Variants in FMN2 observed in about 807,000 individuals in gnomAD.
FMN2 encodes the protein formin-2.
In FMN2, 51 loss-of-function variants were observed where a neutral mutation model predicts 142.3. That is an observed-to-expected ratio of 0.36 (90% CI 0.29 to 0.45). FMN2 has a LOEUF of 0.45. FMN2 is among the 20% of genes least tolerant of loss of function. FMN2 has a pLI of 1.00. For missense variants in FMN2, 1,936 were observed against 2,122.8 expected, an observed-to-expected ratio of 0.91 and a Z score of 1.73; for synonymous variants, 882 against 869.8, an observed-to-expected ratio of 1.01 and a Z score of -0.25.
chr1:240,224,709 CA>C (rs1252812476), intron 6 of FMN2, among the ~76,000 whole-genome samples: 1 of 152,118 alleles, frequency 6.6e-6, no homozygotes, highest in Non-Finnish European at 1.5e-5. Context: ...CACAGAAAGC[CA>C]ATCACTGAGA....
At chr1:240,315,989 A>G (rs1036536505) in intron 8 of FMN2, among the ~76,000 whole-genome samples, 1 of 152,202 alleles carries the variant, frequency 6.6e-6, no homozygotes, top group Non-Finnish European at 1.5e-5. Flanking sequence ...TAGGGTTTTT[A>G]CATACTCAAA....
At chr1:240,245,775 G>C (rs1668060120) in intron 6 of FMN2, among the ~76,000 whole-genome samples, 1 of 152,162 alleles carries the variant, frequency 6.6e-6, no homozygotes, top group South Asian at 2.1e-4. Context: ...CCATCAGGTT[G>C]TCCAGAGATT....
At chr1:240,356,485 A>G (rs1450670997) in intron 14 of FMN2, among the ~76,000 whole-genome samples, 1 of 152,196 alleles carries the variant, frequency 6.6e-6, no homozygotes, top group Non-Finnish European at 1.5e-5. Flanking sequence ...TCTAGGAGAT[A>G]GGCAGGGATG....
At chr1:240,229,649 A>C (rs1429654568) in intron 6 of FMN2, among the ~76,000 whole-genome samples, 1 of 151,934 alleles carries the variant, frequency 6.6e-6, no homozygotes, top group Non-Finnish European at 1.5e-5. Flanking sequence ...TCCATAGCTG[A>C]CTTTTTTTTT....
chr1:240,170,187 C>T, intron 2 of FMN2: 1 of 1,178,462 alleles, frequency 8.5e-7, no homozygotes, highest in Non-Finnish European at 1.2e-6. Flanking sequence ...ACCAGGTTAT[C>T]AAGTGCAAGG....
chr1:240,431,325 T>C (rs1675163597), intron 15 of FMN2, among the ~76,000 whole-genome samples: 1 of 151,132 alleles, frequency 6.6e-6, no homozygotes, highest in South Asian at 2.1e-4. Context: ...TAGTTCTGAG[T>C]AAATTCACTT....
Position 240,207,522 on chromosome 1 carries a change from G to A in FMN2, c.2710G>A (p.Gly904Ser). The change falls in exon 5 of 18, where the codon GGT becomes AGT. Residue 904 changes from glycine (G) to serine (S), a missense_variant. Physicochemically the swap from Gly to Ser is moderately conservative, Grantham distance 56. Around this residue, in one of 8 missense-constraint regions of FMN2, gnomAD observed 478 missense variants for 462.8 expected, o/e 1.03. Coordinates refer to ENST00000319653, the MANE Select transcript of FMN2 (RefSeq NM_020066.5). ...CATTCCCCAACCTCCTCCTCTGCAGGGTACAGAAATGCTGCCACCCCCTCC... is the reference window on the plus strand; with the variant it reads ...CATTCCCCAACCTCCTCCTCTGCAGAGTACAGAAATGCTGCCACCCCCTCC... ...TAIPQPPPLQ[G>S]TEMLPPPPPP... is the part of the protein sequence containing the mutation. 2 of 1,612,918 alleles carry A rather than the reference G, an allele frequency of 1.2e-6. No individual in the cohort carries two copies. Among genetic ancestry groups the A allele is most frequent in the Non-Finnish European group, 1.7e-6 (2 of 1,179,730 alleles).
chr1:240,353,530 A>G (rs117919945), intron 13 of FMN2, among the ~76,000 whole-genome samples: 1 of 152,326 alleles, frequency 6.6e-6, no homozygotes, highest in East Asian at 1.9e-4. Context: ...AATGGAAATA[A>G]GATGGATTTC....
intron 1 of FMN2, among the ~76,000 whole-genome samples, chr1:240,114,168 G>T (rs1384296475): frequency 3.7e-4 from 56 of 152,068 alleles, no homozygotes; most frequent in Admixed American, 3.5e-3. Context: ...TTTAAAACAA[G>T]CTCCAGACAT....
chr1:240,126,626 T>C (rs1662520081), intron 2 of FMN2, among the ~76,000 whole-genome samples: 1 of 152,208 alleles, frequency 6.6e-6, no homozygotes, highest in South Asian at 2.1e-4. Flanking sequence ...CATTTTCTCT[T>C]ACATTTTAAT....
chr1:240,122,250 G>GTTATTTATTTAT (rs59141517), intron 1 of FMN2, among the ~76,000 whole-genome samples: 42 of 149,322 alleles, frequency 2.8e-4, no homozygotes, highest in Middle Eastern at 3.4e-3. Context: ...ACCACGGCTG[G>GTTATTTATTTAT]TTATTTATTT....
intron 7 of FMN2, among the ~76,000 whole-genome samples, chr1:240,258,355 A>G (rs922979489): frequency 6.6e-6 from 1 of 152,200 alleles, no homozygotes; most frequent in Non-Finnish European, 1.5e-5. Context: ...TAGGAGGCTG[A>G]AAGTTCGAGA....
At chr1:240,181,334 A>T (rs1294901618) in intron 3 of FMN2, among the ~76,000 whole-genome samples, 1 of 152,170 alleles carries the variant, frequency 6.6e-6, no homozygotes, top group Non-Finnish European at 1.5e-5. Context: ...TGGTTACCCA[A>T]TTCACATGTC....
chr1:240,147,463 C>T (rs1368138500), intron 2 of FMN2, among the ~76,000 whole-genome samples: 1 of 152,164 alleles, frequency 6.6e-6, no homozygotes, highest in Admixed American at 6.5e-5. Flanking sequence ...CCACTCTGCT[C>T]TCTTTAGTTC....
intron 15 of FMN2, among the ~76,000 whole-genome samples, chr1:240,430,813 G>A (rs887253585): frequency 6.6e-5 from 10 of 151,254 alleles, no homozygotes; most frequent in African/African-American, 2.4e-4. Flanking sequence ...CTCCTTCCAG[G>A]TCCTTATACC....
At chr1:240,256,402 C>G (rs867595433) in intron 6 of FMN2, among the ~76,000 whole-genome samples, 10 of 151,950 alleles carry the variant, frequency 6.6e-5, no homozygotes, top group Middle Eastern at 6.8e-3. Flanking sequence ...AAAAGCAGCG[C>G]CTTTTGGGAG....
chr1:240,125,955 TC>T (rs1347433553), intron 2 of FMN2, among the ~76,000 whole-genome samples: 1 of 152,218 alleles, frequency 6.6e-6, no homozygotes, highest in African/African-American at 2.4e-5. Flanking sequence ...CATTTTGTCT[TC>T]CTTTATTCAT....
At chr1:240,455,123 C>G (rs1310701182) in intron 16 of FMN2, among the ~76,000 whole-genome samples, 1 of 151,958 alleles carries the variant, frequency 6.6e-6, no homozygotes, top group Admixed American at 6.6e-5. Flanking sequence ...CAAATGAGAA[C>G]CAGGGACTCT....
chr1:240,424,181 A>G (rs1200215020), intron 15 of FMN2, among the ~76,000 whole-genome samples: 2 of 152,248 alleles, frequency 1.3e-5, no homozygotes, highest in Admixed American at 6.5e-5. Context: ...GTCATGAAAT[A>G]TGAAATAGAG....
Sources: gnomAD v4.1 joint callset for allele counts (sites outside exome capture counted in the v4.1 genomes callset) on GRCh38, gnomAD v4.1.1 for gene constraint, gnomAD v4.1.1 regional missense constraint, MANE v1.5 for transcripts, NCBI Gene and HGNC (gene_info 2026-07-23, HGNC 2026-07-21) for gene names.